IL1RAPL1: variants seen among roughly 807,000 people sequenced by gnomAD.
The protein encoded by IL1RAPL1 is interleukin-1 receptor accessory protein-like 1.
IL1RAPL1 carries 3 observed loss-of-function variants against 48.4 expected under a neutral mutation model. The ratio of observed to expected loss-of-function variants is 0.06; its 90% CI spans 0.03 to 0.16. The LOEUF (loss-of-function observed/expected upper bound fraction) is 0.16, where lower values mean the gene tolerates loss of function less well. IL1RAPL1 is among the 10% of genes least tolerant of loss of function. The pLI is 1.00. For missense variants in IL1RAPL1, 349 were observed against 530.6 expected (o/e 0.66, Z 3.36); for synonymous variants, 185 against 187.7 (o/e 0.99, Z 0.12).
intron 6 of IL1RAPL1, among the ~76,000 whole-genome samples, chrX:29,888,750 G>A (rs1012329872): frequency 9.0e-6 from 1 of 111,523 alleles, no homozygotes; most frequent in Non-Finnish European, 1.9e-5. Context: ...TAAATACTGA[G>A]ACTCCAAGGC....
chrX:28,971,890 G>GTA (rs1925083167), intron 2 of IL1RAPL1, among the ~76,000 whole-genome samples: 1 of 106,219 alleles, frequency 9.4e-6, no homozygotes, highest in African/African-American at 3.5e-5. Flanking sequence ...GTGTGTGTGT[G>GTA]TGTGTGTGTG....
intron 1 of IL1RAPL1, among the ~76,000 whole-genome samples, chrX:28,775,437 T>C (rs1936353586): frequency 8.9e-6 from 1 of 112,069 alleles, no homozygotes; most frequent in Admixed American, 9.5e-5. Flanking sequence ...AGTTTGTGTC[T>C]CTTCTTCTAA....
intron 2 of IL1RAPL1, among the ~76,000 whole-genome samples, chrX:29,142,339 G>C (rs991725573): frequency 8.9e-6 from 1 of 111,766 alleles, no homozygotes; most frequent in African/African-American, 3.3e-5. Flanking sequence ...CCCAAATTGA[G>C]TTACATGCTA....
chrX:29,382,545 G>C (rs1400866585), intron 3 of IL1RAPL1, among the ~76,000 whole-genome samples: 1 of 111,710 alleles, frequency 9.0e-6, no homozygotes, highest in Non-Finnish European at 1.9e-5. Flanking sequence ...CAAAATGTCT[G>C]TTCCATGTAC....
chrX:29,348,982 C>G (rs1247635965), intron 3 of IL1RAPL1, among the ~76,000 whole-genome samples: 5 of 111,886 alleles, frequency 4.5e-5, no homozygotes, highest in Non-Finnish European at 9.4e-5. Context: ...GAGGTTACCT[C>G]AAAATCACTG....
At chrX:28,758,855 C>A (rs1936133513) in intron 1 of IL1RAPL1, among the ~76,000 whole-genome samples, 1 of 111,795 alleles carries the variant, frequency 8.9e-6, no homozygotes, top group African/African-American at 3.2e-5. Context: ...TCTTAGATTT[C>A]CAAATTCCCT....
intron 5 of IL1RAPL1, among the ~76,000 whole-genome samples, chrX:29,557,936 T>C (rs1297620482): frequency 9.0e-6 from 1 of 111,650 alleles, no homozygotes; most frequent in East Asian, 2.8e-4. Flanking sequence ...CGCATTTATC[T>C]GTGAATGACA....
intron 2 of IL1RAPL1, among the ~76,000 whole-genome samples, chrX:29,023,204 A>T (rs1371266081): frequency 8.9e-6 from 1 of 112,626 alleles, no homozygotes; most frequent in East Asian, 2.8e-4. Context: ...ATAAGTAACC[A>T]CGTCAATGTT....
chrX:28,838,298 TA>T (rs2147290522), intron 2 of IL1RAPL1, among the ~76,000 whole-genome samples: 1 of 111,218 alleles, frequency 9.0e-6, no homozygotes, highest in South Asian at 3.7e-4. Flanking sequence ...CAGTAAGTAC[TA>T]AAAATTAGGT....
chrX:29,175,073 CAAAAAAAAAAA>C (rs3065738), intron 2 of IL1RAPL1, among the ~76,000 whole-genome samples: 3 of 61,557 alleles, frequency 4.9e-5, no homozygotes, highest in Admixed American at 2.1e-4. Flanking sequence ...GACTCCGTCT[CAAAAAAAAAAA>C]AAAAAAAAAA....
At position 28,739,669 on chromosome X, in the gene IL1RAPL1, ATTAT is replaced by A. The variant is rs1218068664; in HGVS notation, c.-24-49644_-24-49641del. ...ACACTCTGTGCATTAGACAAATTTG[ATTAT>A]TTATTTTAGGTACCTTATACTTTCT... is the stretch of plus-strand genomic sequence containing the variant. On this transcript the variant is annotated intron_variant, in intron 1 of 10. Transcript: ENST00000378993. Among the ~76,000 whole-genome samples the A allele has an allele frequency of 4.5e-5, 5 of 111,297 alleles. No homozygotes were observed. The East Asian group carries it at 1.4e-3, about 32-fold the overall frequency.
chrX:29,902,512 C>T (rs1413755334), intron 6 of IL1RAPL1, among the ~76,000 whole-genome samples: 2 of 111,109 alleles, frequency 1.8e-5, no homozygotes, highest in Non-Finnish European at 3.8e-5. Flanking sequence ...CATTTGATTA[C>T]TGTGGGAAAT....
intron 5 of IL1RAPL1, among the ~76,000 whole-genome samples, chrX:29,659,419 T>TA (rs1216536341): frequency 2.1e-4 from 24 of 112,171 alleles, no homozygotes; most frequent in Non-Finnish European, 3.4e-4. Flanking sequence ...AATGTGTACA[T>TA]ATGCCACATT....
intron 2 of IL1RAPL1, among the ~76,000 whole-genome samples, chrX:29,081,084 G>T (rs761836219): frequency 3.0e-5 from 2 of 66,131 alleles, no homozygotes; most frequent in East Asian, 5.5e-4. Flanking sequence ...ATGGAGTTTT[G>T]CTCTTGTTGC....
chrX:28,776,585 C>G (rs954446574), intron 1 of IL1RAPL1, among the ~76,000 whole-genome samples: 1 of 111,773 alleles, frequency 8.9e-6, no homozygotes, highest in African/African-American at 3.2e-5. Context: ...GGATATAGAT[C>G]ATTTATGTCC....
At chrX:28,872,302 A>G (rs919175598) in intron 2 of IL1RAPL1, among the ~76,000 whole-genome samples, 1 of 111,943 alleles carries the variant, frequency 8.9e-6, no homozygotes, top group Non-Finnish European at 1.9e-5. Context: ...TACAGGCATG[A>G]TCCACTGCAC....
chrX:29,068,404 A>G (rs1927493876), intron 2 of IL1RAPL1, among the ~76,000 whole-genome samples: 1 of 112,520 alleles, frequency 8.9e-6, no homozygotes, highest in Non-Finnish European at 1.9e-5. Flanking sequence ...TAGCCATTTA[A>G]GCACACAAAT....
At chrX:29,898,298 T>C (rs955646109) in intron 6 of IL1RAPL1, among the ~76,000 whole-genome samples, 2 of 112,350 alleles carry the variant, frequency 1.8e-5, no homozygotes, top group African/African-American at 6.5e-5. Context: ...GCCGTGGGCA[T>C]GGCCACGGCA....
chrX:28,644,119 TTA>T (rs72301174), intron 1 of IL1RAPL1, among the ~76,000 whole-genome samples: 8,359 of 109,924 alleles, frequency 0.076, 278 homozygotes, highest in African/African-American at 0.13. Flanking sequence ...CTCCTAAGTG[TTA>T]TATATATATA....
Sources: gnomAD v4.1 joint callset for allele counts (sites outside exome capture counted in the v4.1 genomes callset) on GRCh38, gnomAD v4.1.1 for gene constraint, MANE v1.5 for transcripts, NCBI Gene and HGNC (gene_info 2026-07-23, HGNC 2026-07-21) for gene names.